CACNA1H: variants seen among roughly 807,000 people sequenced by gnomAD.
The protein encoded by CACNA1H is calcium voltage-gated channel subunit alpha1 H.
CACNA1H carries 149 observed loss-of-function variants against 192.5 expected under a neutral mutation model. The ratio of observed to expected loss-of-function variants is 0.77; its 90% CI spans 0.68 to 0.89. The LOEUF (loss-of-function observed/expected upper bound fraction) is 0.89, where lower values mean the gene tolerates loss of function less well. Among genes scored for constraint, CACNA1H ranks in the 40% least tolerant of loss-of-function variants. The pLI, the probability that CACNA1H is intolerant of heterozygous loss-of-function variation, is 0.00. For missense variants in CACNA1H, 4,257 were observed against 3,423.5 expected (o/e 1.24, Z -6.08); for synonymous variants, 2,202 against 1,475.2 (o/e 1.49, Z -11.29).
At chr16:1,154,679 A>C (rs1372132365) in intron 2 of CACNA1H, among the ~76,000 whole-genome samples, 1 of 152,128 alleles carries the variant, frequency 6.6e-6, no homozygotes, top group East Asian at 1.9e-4. Context: ...GGCAATTGGC[A>C]CTGCCAAGGG....
intron 2 of CACNA1H, among the ~76,000 whole-genome samples, chr16:1,179,009 C>A (rs537268892): frequency 4.6e-5 from 7 of 152,196 alleles, no homozygotes; most frequent in Non-Finnish European, 7.3e-5. Context: ...GGCTCTGTGA[C>A]CTCTGTCAGG....
intron 2 of CACNA1H, among the ~76,000 whole-genome samples, chr16:1,171,211 G>A (rs1411660167): frequency 1.3e-5 from 2 of 152,062 alleles, no homozygotes; most frequent in Non-Finnish European, 2.9e-5. Flanking sequence ...TCACCCCCGC[G>A]CCGCCCAGGA....
intron 30 of CACNA1H, among the ~76,000 whole-genome samples, 181 bp downstream of exon 30, chr16:1,215,774 C>T (rs1969974968): frequency 1.3e-5 from 2 of 152,308 alleles, no homozygotes; most frequent in South Asian, 4.1e-4. Context: ...GTGGATCCAG[C>T]CGCTGCCCTC....
intron 31 of CACNA1H, 142 bp downstream of exon 31, chr16:1,217,152 G>A (rs897086802): frequency 2.8e-4 from 199 of 699,042 alleles, no homozygotes; most frequent in Non-Finnish European, 2.5e-4. Context: ...GTCCTCACCC[G>A]GCCCTGCTTC....
In CACNA1H at chr16:1,221,518, A is replaced by G. The variant is rs1265039090; in HGVS notation, c.*524A>G. 2 of 440,902 alleles carry G rather than the reference A, an allele frequency of 4.5e-6. No homozygotes were observed. Among genetic ancestry groups the G allele is most frequent in the African/African-American group, 4.1e-5 (2 of 48,866 alleles). 27.3% of individuals were successfully genotyped at this position (440,902 alleles called of 1,614,324 possible). ...TTCCGTTCCGCTCGGGCCTTCCCAG[A>G]AGCGTCCTGTGACTCTGGGAGAGGT... On this transcript the variant is annotated 3_prime_UTR_variant, in exon 35 of 35. Transcript: ENST00000348261.
chr16:1,174,725 C>T lies in CACNA1H; in HGVS notation c.300-20247C>T, dbSNP rs543419115. 2.0e-4 allele frequency among the ~76,000 whole-genome samples: 30 copies of T among 152,354 alleles called. No homozygotes were observed. The South Asian group carries it at 6.2e-3, about 32-fold the overall frequency. On this transcript the variant is annotated intron_variant, in intron 2 of 34. Coordinates refer to ENST00000348261, the MANE Select transcript of CACNA1H (RefSeq NM_021098.3). Reference sequence around the variant, plus strand: ...TGACTCAGACAGTTCACAGAGCCTTCCTTTTCCTGCTGGCTTCCAAGAATT... The same window carrying T: ...TGACTCAGACAGTTCACAGAGCCTTTCTTTTCCTGCTGGCTTCCAAGAATT...
chr16:1,198,973 C>T (rs1967356751), intron 6 of CACNA1H, 199 bp downstream of exon 6: 3 of 560,070 alleles, frequency 5.4e-6, no homozygotes, highest in Non-Finnish European at 6.3e-6. Flanking sequence ...GCCCAGCTGG[C>T]AGTCACCGCC....
chr16:1,203,203 G>C (rs995495577), intron 9 of CACNA1H, among the ~76,000 whole-genome samples: 11 of 152,184 alleles, frequency 7.2e-5, no homozygotes, highest in African/African-American at 2.4e-4. Context: ...TGAATTGTGG[G>C]AGTCCAGCCG....
intron 6 of CACNA1H, 124 bp from the exon 7 acceptor site, chr16:1,200,132 C>T (rs931704370): frequency 1.8e-5 from 14 of 766,268 alleles, no homozygotes; most frequent in African/African-American, 5.3e-5. Flanking sequence ...CATGATTAGT[C>T]CACTGGCCCT....
rs756825908 is a variant in CACNA1H, at chr16:1,207,258, C to T, written c.2908-17C>T. 52 of 1,594,970 alleles carry T rather than the reference C, an allele frequency of 3.3e-5. No individual in the cohort carries two copies. Among genetic ancestry groups the T allele is most frequent in the South Asian group, 1.1e-5 (1 of 89,094 alleles). Reference sequence around the variant, plus strand: ...CGGGGCTGGGGTGACCACCCCAGGCCCCCTGCTATCCCCCAGATCCTGACC... The same window carrying T: ...CGGGGCTGGGGTGACCACCCCAGGCTCCCTGCTATCCCCCAGATCCTGACC... On this transcript the variant is annotated splice_polypyrimidine_tract_variant and intron_variant, in intron 13 of 34. Coordinates refer to ENST00000348261, the MANE Select transcript of CACNA1H (RefSeq NM_021098.3).
At chr16:1,206,500 C>G in intron 12 of CACNA1H, 1 of 579,082 alleles carries the variant, frequency 1.7e-6, no homozygotes, top group Non-Finnish European at 3.0e-6. Context: ...AGTCAGATGG[C>G]AGGGGTCAGA....
At position 1,221,654 on chromosome 16, in the gene CACNA1H, G is replaced by GT; in HGVS notation, c.*663dup. On this transcript the variant is annotated 3_prime_UTR_variant, in exon 35 of 35. Coordinates refer to ENST00000348261, the MANE Select transcript of CACNA1H (RefSeq NM_021098.3). ...CCGCGAGATTCCCATTGACACCTTT[G>GT]TTTCGTGTGCTTTTAAATTCAGGTT... The GT allele has an allele frequency of 2.0e-6, 2 of 1,012,156 alleles. No individual in the cohort carries two copies. The highest frequency in any genetic ancestry group is 1.6e-5 in the African/African-American group (1 of 61,460). The allele number at this position is 1,012,156 out of a possible 1,614,324, so 62.7% of individuals were successfully genotyped here.
intron 2 of CACNA1H, among the ~76,000 whole-genome samples, chr16:1,166,388 C>T (rs1188910810): frequency 6.6e-6 from 1 of 152,220 alleles, no homozygotes; most frequent in East Asian, 1.9e-4. Flanking sequence ...CTCAGCCCTG[C>T]AGAGGAGGCC....
intron 34 of CACNA1H, 97 bp from the exon 35 acceptor site, chr16:1,219,884 C>G: frequency 3.0e-6 from 3 of 1,011,650 alleles, no homozygotes; most frequent in Non-Finnish European, 2.6e-6. Context: ...CCAGTTTGGC[C>G]TCTCCAGTAC....
At chr16:1,185,500 G>GCCCCCCCCC (rs772704160) in intron 2 of CACNA1H, among the ~76,000 whole-genome samples, 6 of 140,594 alleles carry the variant, frequency 4.3e-5, no homozygotes, top group African/African-American at 1.7e-4. Context: ...CATCTGCAGA[G>GCCCCCCCCC]TCCCCCCCCC....
intron 2 of CACNA1H, among the ~76,000 whole-genome samples, chr16:1,168,786 TC>T (rs1355044343): frequency 4.6e-5 from 7 of 151,916 alleles, no homozygotes; most frequent in Non-Finnish European, 1.0e-4. Flanking sequence ...AGCCTTGCCC[TC>T]CAGGCCTCTC....
intron 25 of CACNA1H, 30 bp from the exon 26 acceptor site, chr16:1,212,481 G>GGCCCTCA (rs1567544485): frequency 6.2e-7 from 1 of 1,607,004 alleles, no homozygotes; most frequent in East Asian, 2.2e-5. Context: ...CCACGCCCTC[G>GGCCCTCA]GCCCTCAGAC....
At chr16:1,212,212 C>T (rs1969532345) in intron 25 of CACNA1H, 74 bp downstream of exon 25, 1 of 1,504,414 alleles carries the variant, frequency 6.6e-7, no homozygotes, top group Non-Finnish European at 8.9e-7. Flanking sequence ...AGCCCCTCCA[C>T]TCCCGCCCCG....
At chr16:1,219,371 C>T (rs926682797) in intron 34 of CACNA1H, among the ~76,000 whole-genome samples, 3 of 152,200 alleles carry the variant, frequency 2.0e-5, no homozygotes, top group African/African-American at 4.8e-5. Flanking sequence ...CCTGAGTCTT[C>T]TTGGACCCAC....
Sources: gnomAD v4.1 joint callset for allele counts (sites outside exome capture counted in the v4.1 genomes callset) on GRCh38, gnomAD v4.1.1 for gene constraint, MANE v1.5 for transcripts, NCBI Gene and HGNC (gene_info 2026-07-23, HGNC 2026-07-21) for gene names.